TMEM117: variants seen among roughly 807,000 people sequenced by gnomAD.
TMEM117 encodes the protein transmembrane protein 117.
A neutral mutation model predicts 52.4 loss-of-function variants in TMEM117; 27 were observed. That is an observed-to-expected ratio of 0.51 (90% CI 0.38 to 0.71). The LOEUF (loss-of-function observed/expected upper bound fraction) is 0.71. Among genes scored for constraint, TMEM117 ranks in the 30% least tolerant of loss-of-function variants. TMEM117 has a pLI of 0.00. For synonymous variants in TMEM117, 215 were observed against 206.3 expected, an observed-to-expected ratio of 1.04 and a Z score of -0.36; for missense variants, 556 against 630.5, an observed-to-expected ratio of 0.88 and a Z score of 1.26.
intron 5 of TMEM117, among the ~76,000 whole-genome samples, chr12:44,231,869 C>T (rs951657236): frequency 1.6e-4 from 24 of 151,556 alleles, no homozygotes; most frequent in African/African-American, 5.6e-4. Flanking sequence ...TCATTTGGTA[C>T]CTGGTCTTTT....
At chr12:43,928,383 A>G (rs979957627) in intron 2 of TMEM117, among the ~76,000 whole-genome samples, 2 of 151,816 alleles carry the variant, frequency 1.3e-5, no homozygotes, top group Non-Finnish European at 2.9e-5. Flanking sequence ...TTCTGAGATC[A>G]CCTCTGGAAT....
At chr12:44,083,854 C>T (rs1228269953) in intron 3 of TMEM117, among the ~76,000 whole-genome samples, 1 of 151,882 alleles carries the variant, frequency 6.6e-6, no homozygotes, top group Non-Finnish European at 1.5e-5. Context: ...TTGCTTGTTA[C>T]ATGTTTTGTT....
chr12:44,371,976 CTG>C (rs1951870346), intron 6 of TMEM117, among the ~76,000 whole-genome samples: 2 of 152,246 alleles, frequency 1.3e-5, no homozygotes, highest in South Asian at 2.1e-4. Flanking sequence ...TAAAAATTAA[CTG>C]TTTGTCATAT....
intron 3 of TMEM117, among the ~76,000 whole-genome samples, chr12:44,049,847 G>C (rs958830782): frequency 6.6e-6 from 1 of 152,174 alleles, no homozygotes; most frequent in African/African-American, 2.4e-5. Flanking sequence ...GGAGAGAATG[G>C]CCCGAGGAAT....
chr12:43,900,500 A>G (rs1944285783), intron 2 of TMEM117, among the ~76,000 whole-genome samples: 1 of 152,030 alleles, frequency 6.6e-6, no homozygotes, highest in Non-Finnish European at 1.5e-5. Flanking sequence ...CGGGTGGATC[A>G]CAAGGTCAGG....
intron 6 of TMEM117, among the ~76,000 whole-genome samples, chr12:44,319,071 A>G (rs1052046931): frequency 1.1e-4 from 16 of 152,304 alleles, no homozygotes; most frequent in Admixed American, 2.0e-4. Flanking sequence ...TCCAGCACCT[A>G]CAACTGGGGC....
At chr12:44,280,046 T>A (rs1950559293) in intron 5 of TMEM117, among the ~76,000 whole-genome samples, 1 of 152,190 alleles carries the variant, frequency 6.6e-6, no homozygotes, top group Non-Finnish European at 1.5e-5. Flanking sequence ...TAAAAAGCAG[T>A]AATATTCAAG....
At chr12:43,853,681 A>C (rs1943350447) in intron 2 of TMEM117, among the ~76,000 whole-genome samples, 2 of 152,234 alleles carry the variant, frequency 1.3e-5, no homozygotes, top group Non-Finnish European at 2.9e-5. Context: ...GGTTAAAAAG[A>C]CAAGATATAT....
At chr12:44,311,455 G>C (rs1950973872) in intron 6 of TMEM117, among the ~76,000 whole-genome samples, 1 of 151,906 alleles carries the variant, frequency 6.6e-6, no homozygotes, top group Non-Finnish European at 1.5e-5. Flanking sequence ...TGCCAAGAAA[G>C]ATCTTTTGTT....
intron 3 of TMEM117, among the ~76,000 whole-genome samples, chr12:44,018,971 G>C (rs1946414991): frequency 6.6e-6 from 1 of 151,926 alleles, no homozygotes. Context: ...CAAAGTGTTG[G>C]GATTACAGGC....
At chr12:43,884,146 A>AAAAG (rs1312939235) in intron 2 of TMEM117, among the ~76,000 whole-genome samples, 38 of 151,786 alleles carry the variant, frequency 2.5e-4, no homozygotes, top group African/African-American at 8.5e-4. Context: ...AAAAAAAAAA[A>AAAAG]AAAGAAAGAA....
chr12:43,860,724 AG>A (rs1302029558), intron 2 of TMEM117, among the ~76,000 whole-genome samples: 2 of 152,188 alleles, frequency 1.3e-5, no homozygotes, highest in African/African-American at 4.8e-5. Context: ...GGAGAAGTGG[AG>A]GGAGGTGGGA....
intron 4 of TMEM117, among the ~76,000 whole-genome samples, chr12:44,191,228 G>T (rs1949348522): frequency 6.6e-6 from 1 of 151,948 alleles, no homozygotes; most frequent in Admixed American, 6.6e-5. Context: ...ACGAGAGCAG[G>T]ATGGGAGAAA....
intron 3 of TMEM117, among the ~76,000 whole-genome samples, chr12:44,027,421 G>A (rs1352095153): frequency 4.6e-5 from 7 of 151,922 alleles, no homozygotes; most frequent in African/African-American, 7.3e-5. Flanking sequence ...TTATCTGCCC[G>A]TGTTGGCCTC....
chr12:44,270,436 C>T (rs1950432291), intron 5 of TMEM117, among the ~76,000 whole-genome samples: 1 of 152,078 alleles, frequency 6.6e-6, no homozygotes, highest in African/African-American at 2.4e-5. Flanking sequence ...TGGTGTACAG[C>T]AGAGCTACTG....
intron 4 of TMEM117, among the ~76,000 whole-genome samples, chr12:44,172,376 T>A (rs1949058492): frequency 6.6e-6 from 1 of 152,120 alleles, no homozygotes; most frequent in African/African-American, 2.4e-5. Context: ...CTTGAGACAT[T>A]CTTTGGCTTG....
chr12:44,040,081 A>G (rs1946773773), intron 3 of TMEM117, among the ~76,000 whole-genome samples: 1 of 152,160 alleles, frequency 6.6e-6, no homozygotes, highest in African/African-American at 2.4e-5. Flanking sequence ...TCCATGCTGT[A>G]AATTCTCCTA....
chr12:44,347,707 A>T (rs940581619), intron 6 of TMEM117, among the ~76,000 whole-genome samples: 1 of 152,070 alleles, frequency 6.6e-6, no homozygotes, highest in African/African-American at 2.4e-5. Context: ...TTCTTACAAC[A>T]GTTAGTAATC....
chr12:44,018,563 AT>A (rs1019303794), intron 3 of TMEM117, among the ~76,000 whole-genome samples: 1 of 152,192 alleles, frequency 6.6e-6, no homozygotes, highest in Non-Finnish European at 1.5e-5. Context: ...TGCACTGTTT[AT>A]TCCATTGGTT....
Sources: allele counts gnomAD v4.1 joint callset (sites outside exome capture counted in the v4.1 genomes callset), GRCh38; gene constraint gnomAD v4.1.1; transcripts MANE v1.5; gene names NCBI Gene and HGNC (gene_info 2026-07-23, HGNC 2026-07-21).